PNKD: variants seen among roughly 807,000 people sequenced by gnomAD.
The protein encoded by PNKD is PNKD metallo-beta-lactamase domain containing.
Under a neutral mutation model 45.3 loss-of-function variants are expected in PNKD, and 36 were observed. The ratio of observed to expected loss-of-function variants is 0.80; its 90% confidence interval spans 0.61 to 1.05. PNKD has a LOEUF of 1.05. Ranked by LOEUF, PNKD falls within the 50% of genes least tolerant of loss-of-function variation. The pLI, the probability that PNKD is intolerant of heterozygous loss-of-function variation, is 0.00. For synonymous variants in PNKD, 197 were observed against 210.1 expected, an observed-to-expected ratio of 0.94 and a Z score of 0.54; for missense variants, 511 against 506.6, an observed-to-expected ratio of 1.01 and a Z score of -0.08.
intron 2 of PNKD, chr2:218,278,004 G>T: frequency 6.2e-7 from 1 of 1,613,576 alleles, no homozygotes; most frequent in South Asian, 1.1e-5. Flanking sequence ...TTGATTAAAT[G>T]ACTTGGGGCC....
intron 3 of PNKD, 46 bp from the exon 4 acceptor site, chr2:218,339,983 G>A (rs967859868): frequency 6.7e-7 from 1 of 1,488,748 alleles, no homozygotes; most frequent in African/African-American, 1.4e-5. Context: ...CCCAGCCCCT[G>A]GGCTCCCTGC....
chr2:218,338,656 G>GT lies in PNKD; in HGVS notation c.237-1126dup, dbSNP rs1279223548. Among the ~76,000 whole-genome samples, 4 of 150,902 alleles carry GT rather than the reference G, an allele frequency of 2.7e-5. No individual in the cohort carries two copies. The East Asian group carries it at 8.0e-4, about 30-fold the overall frequency. On this transcript the variant is annotated intron_variant, in intron 2 of 9. Coordinates refer to ENST00000273077, the MANE Select transcript of PNKD (RefSeq NM_015488.5). ...CCATCACCACACCCGGCTAATTTTT[G>GT]TATTTTTAGTAGAGACGGGGTTTCA...
chr2:218,325,198 C>CTTTTTTT (rs746439948), intron 2 of PNKD, among the ~76,000 whole-genome samples: 17 of 39,762 alleles, frequency 4.3e-4, no homozygotes, highest in South Asian at 1.7e-3. Flanking sequence ...CGCACCCGGC[C>CTTTTTTT]TTTTTTTTTT....
intron 2 of PNKD, among the ~76,000 whole-genome samples, chr2:218,324,127 C>A (rs1334353672): frequency 6.6e-6 from 1 of 152,068 alleles, no homozygotes; most frequent in African/African-American, 2.4e-5. Context: ...CCCTCTACCC[C>A]TTCCTTCCTG....
At chr2:218,304,944 G>A (rs1287389496) in intron 2 of PNKD, among the ~76,000 whole-genome samples, 1 of 152,090 alleles carries the variant, frequency 6.6e-6, no homozygotes, top group Admixed American at 6.6e-5. Context: ...GTGGTGGCGG[G>A]CACCTGTAGT....
intron 2 of PNKD, among the ~76,000 whole-genome samples, chr2:218,302,825 A>ATG (rs1389955597): frequency 6.6e-6 from 1 of 152,174 alleles, no homozygotes. Flanking sequence ...GGGGCGCAGA[A>ATG]TGTATGTGTG....
chr2:218,294,207 G>A (rs983660233), intron 2 of PNKD, among the ~76,000 whole-genome samples: 6 of 152,112 alleles, frequency 3.9e-5, no homozygotes, highest in African/African-American at 1.2e-4. Context: ...AAGGAGTAGC[G>A]CCCTAGGTGA....
intron 1 of PNKD, 68 bp from the exon 2 acceptor site, chr2:218,271,313 T>A (rs1432409314): frequency 1.5e-6 from 2 of 1,368,728 alleles, no homozygotes; most frequent in Admixed American, 3.4e-5. Context: ...AAGCCCTTAC[T>A]GCCCCCCACC....
At chr2:218,318,815 C>T (rs1171480787) in intron 2 of PNKD, among the ~76,000 whole-genome samples, 1 of 151,876 alleles carries the variant, frequency 6.6e-6, no homozygotes, top group African/African-American at 2.4e-5. Context: ...AGGACGTAAG[C>T]ACAGTAATAT....
At chr2:218,275,509 G>A (rs777629876) in intron 2 of PNKD, 1 of 1,614,138 alleles carries the variant, frequency 6.2e-7, no homozygotes, top group East Asian at 2.2e-5. Flanking sequence ...CAGCACAAAG[G>A]TGAAGATGTA....
At chr2:218,293,404 G>A (rs2106246108) in intron 2 of PNKD, among the ~76,000 whole-genome samples, 1 of 152,294 alleles carries the variant, frequency 6.6e-6, no homozygotes, top group South Asian at 2.1e-4. Context: ...GCAACATAGA[G>A]AGACCTTGTC....
chr2:218,332,217 T>G (rs1694347494), intron 2 of PNKD, among the ~76,000 whole-genome samples: 1 of 152,160 alleles, frequency 6.6e-6, no homozygotes, highest in Non-Finnish European at 1.5e-5. Flanking sequence ...CAGAGGCTCT[T>G]GTAAGGCCCT....
chr2:218,277,033 C>T, intron 2 of PNKD: 1 of 1,614,154 alleles, frequency 6.2e-7, no homozygotes, highest in Non-Finnish European at 8.5e-7. Flanking sequence ...ATGCTAGTGA[C>T]AATCCCAGTC....
chr2:218,323,283 T>C (rs1307272175), intron 2 of PNKD: 10 of 1,546,200 alleles, frequency 6.5e-6, no homozygotes, highest in Non-Finnish European at 8.7e-6. Context: ...TTGGCAGGGC[T>C]GGCCCGCGGC....
intron 2 of PNKD, among the ~76,000 whole-genome samples, chr2:218,311,893 T>C (rs1020504371): frequency 2.0e-5 from 3 of 152,196 alleles, no homozygotes; most frequent in African/African-American, 7.2e-5. Flanking sequence ...CCTTAGACAA[T>C]ACCCAAGCTT....
rs1694814540 is a variant in PNKD, at chr2:218,345,833, C to G, written c.*852C>G. 6.6e-6 allele frequency: 1 copy of G among 152,416 alleles called. No individual in the cohort carries two copies. The highest frequency in any genetic ancestry group is 1.5e-5 in the Non-Finnish European group (1 of 68,092). 9.4% of individuals were successfully genotyped at this position (152,416 alleles called of 1,614,324 possible). A position where few individuals can be genotyped will look rare whatever the true frequency, so the allele number is the denominator to read the frequency against. ...AGAGACAGCCACGGTCCTCTTTGGCCGATGCTGTATTCTCATTTTGGCCCT... is the reference window on the plus strand; with the variant it reads ...AGAGACAGCCACGGTCCTCTTTGGCGGATGCTGTATTCTCATTTTGGCCCT... On this transcript the variant is annotated 3_prime_UTR_variant, in exon 10 of 10. Coordinates refer to ENST00000273077, the MANE Select transcript of PNKD (RefSeq NM_015488.5).
At chr2:218,279,679 AG>A (rs1189418988) in intron 2 of PNKD, 43 of 483,866 alleles carry the variant, frequency 8.9e-5, no homozygotes, top group African/African-American at 8.0e-4. Flanking sequence ...TGAGATGGAG[AG>A]GGTGGGTTAC....
chr2:218,272,086 G>A (rs546051417), intron 2 of PNKD, among the ~76,000 whole-genome samples: 45 of 151,958 alleles, frequency 3.0e-4, no homozygotes, highest in African/African-American at 1.1e-3. Context: ...CTGAGACTGA[G>A]CTAGGATTCT....
intron 2 of PNKD, among the ~76,000 whole-genome samples, chr2:218,313,058 G>A (rs1693663965): frequency 6.6e-6 from 1 of 151,064 alleles, no homozygotes; most frequent in Admixed American, 6.6e-5. Flanking sequence ...AATTAACCTT[G>A]ATAAAAATGT....
Sources: allele counts gnomAD v4.1 joint callset (sites outside exome capture counted in the v4.1 genomes callset), GRCh38; gene constraint gnomAD v4.1.1; transcripts MANE v1.5; gene names NCBI Gene and HGNC (gene_info 2026-07-23, HGNC 2026-07-21).